The following ACTN2 variants were observed in gnomAD, a reference collection of about 807,000 sequenced individuals.
ACTN2 encodes alpha-actinin-2.
In ACTN2, 39 loss-of-function variants were observed where a neutral mutation model predicts 113.8. The observed-to-expected ratio is 0.34, with a 90% confidence interval of 0.27 to 0.45. ACTN2 has a LOEUF of 0.45. Among genes scored for constraint, ACTN2 ranks in the 20% least tolerant of loss-of-function variants. ACTN2 has a pLI of 1.00. For synonymous variants in ACTN2, 429 were observed against 444.1 expected (o/e 0.97, Z 0.43); for missense variants, 992 against 1,177.9 (o/e 0.84, Z 2.31).
chr1:236,713,433 G>C lies in ACTN2; in HGVS notation c.127-4425G>C, dbSNP rs980965597. Among the ~76,000 whole-genome samples, 17 of 152,032 alleles carry C rather than the reference G, an allele frequency of 1.1e-4. 1 individual carries two copies. The highest frequency in any genetic ancestry group is 2.1e-4 in the Non-Finnish European group (14 of 68,018). On this transcript the variant is annotated intron_variant, in intron 1 of 20. Coordinates refer to ENST00000366578, the MANE Select transcript of ACTN2 (RefSeq NM_001103.4). ...GTAGAGACAGGGTTTCTCCGTGTTG[G>C]TCAGGCTGGTCTTGCACTCCTGATC...
rs1317260585 is a variant in ACTN2, at chr1:236,689,353, A to G, written c.126+2554A>G. On this transcript the variant is annotated intron_variant, in intron 1 of 20. Transcript: ENST00000366578. ...TATATATATATACACACACATATGT[A>G]TATTTTATATATATATATAAAATAT... Among the ~76,000 whole-genome samples the G allele has an allele frequency of 2.8e-5, 4 of 143,338 alleles. No individual in the cohort carries two copies. The East Asian group carries it at 8.0e-4, about 29-fold the overall frequency. 94.0% of individuals were successfully genotyped at this position (143,338 alleles called of 152,430 possible). A position where few individuals can be genotyped will look rare whatever the true frequency, so the allele number is the denominator to read the frequency against.
Position 236,751,481 on chromosome 1 carries a change from T to C in ACTN2, c.1668T>C (p.Thr556=). Residue 556 remains threonine, a synonymous_variant, in exon 15 of 21, where the codon ACT becomes ACC. Coordinates refer to ENST00000366578, the MANE Select transcript of ACTN2 (RefSeq NM_001103.4). ...HSIEEIQSLI[T]AHEQFKATLP... Reference sequence around the variant, plus strand: ...TGTCTCGGGTGTAGAGTCTGATCACTGCGCATGAGCAGTTCAAGGCCACGC... The same window carrying C: ...TGTCTCGGGTGTAGAGTCTGATCACCGCGCATGAGCAGTTCAAGGCCACGC... 1.2e-6 allele frequency: 2 copies of C among 1,614,106 alleles called. No homozygotes were observed. Among genetic ancestry groups the C allele is most frequent in the Non-Finnish European group, 1.7e-6 (2 of 1,180,028 alleles).
intron 7 of ACTN2, chr1:236,734,404 A>G: frequency 6.8e-7 from 1 of 1,480,670 alleles, no homozygotes; most frequent in Non-Finnish European, 9.1e-7. Context: ...TAGAACATCC[A>G]CGCGGTTAAC....
intron 1 of ACTN2, among the ~76,000 whole-genome samples, chr1:236,701,480 T>A (rs1657673660): frequency 6.6e-6 from 1 of 152,192 alleles, no homozygotes; most frequent in African/African-American, 2.4e-5. Flanking sequence ...GCCCTGTGAC[T>A]GGAGGGCTGT....
intron 15 of ACTN2, among the ~76,000 whole-genome samples, chr1:236,753,729 C>G (rs1344039643): frequency 6.6e-6 from 1 of 152,046 alleles, no homozygotes; most frequent in African/African-American, 2.4e-5. Context: ...CACTTGGTGG[C>G]ACTAGATGGC....
chr1:236,689,182 G>T (rs2102854588), intron 1 of ACTN2, among the ~76,000 whole-genome samples: 1 of 152,068 alleles, frequency 6.6e-6, no homozygotes, highest in Admixed American at 6.6e-5. Context: ...GTTAGGAAGA[G>T]TGTGTTACAC....
intron 4 of ACTN2, 91 bp from the exon 5 acceptor site, chr1:236,725,842 C>T (rs1345269270): frequency 2.6e-6 from 3 of 1,152,274 alleles, no homozygotes; most frequent in Non-Finnish European, 3.9e-6. Context: ...GGGTGATCGA[C>T]CCCCTGGGAG....
chr1:236,749,799 TCAACAA>T (rs542797120), intron 14 of ACTN2, among the ~76,000 whole-genome samples: 1 of 151,854 alleles, frequency 6.6e-6, no homozygotes. Context: ...AGACCCTGTC[TCAACAA>T]CAACAACAAC....
intron 20 of ACTN2, among the ~76,000 whole-genome samples, 183 bp downstream of exon 20, chr1:236,761,356 G>A (rs1274229643): frequency 6.6e-6 from 1 of 152,212 alleles, no homozygotes; most frequent in East Asian, 1.9e-4. Flanking sequence ...AGAGGAAACA[G>A]ACATGCCATT....
chr1:236,747,833 A>T, intron 13 of ACTN2, 58 bp downstream of exon 13: 1 of 1,277,190 alleles, frequency 7.8e-7, no homozygotes, highest in East Asian at 2.4e-5. Flanking sequence ...TCTTTAATTA[A>T]ATCACTGGTA....
intron 1 of ACTN2, among the ~76,000 whole-genome samples, chr1:236,695,070 G>A (rs746015363): frequency 1.5e-4 from 23 of 150,774 alleles, no homozygotes; most frequent in African/African-American, 4.4e-4. Flanking sequence ...TAAGCTTTTC[G>A]TTAAAAAATG....
chr1:236,703,700 A>T lies in ACTN2; in HGVS notation c.127-14158A>T, dbSNP rs116444613. Reference sequence around the variant, plus strand: ...TAATAATTAAAATCTTCCTTCAAGAATTTTAAAACGCCCTTGGAATTAATG... The same window carrying T: ...TAATAATTAAAATCTTCCTTCAAGATTTTTAAAACGCCCTTGGAATTAATG... On this transcript the variant is annotated intron_variant, in intron 1 of 20. Coordinates refer to ENST00000366578, the MANE Select transcript of ACTN2 (RefSeq NM_001103.4). Among the ~76,000 whole-genome samples, 457 of 151,542 alleles carry T rather than the reference A, an allele frequency of 3.0e-3. 2 individuals are homozygous for T. Among genetic ancestry groups the T allele is most frequent in the African/African-American group, 0.01 (433 of 41,304 alleles).
intron 4 of ACTN2, 131 bp from the exon 5 acceptor site, chr1:236,725,802 A>C: frequency 1.2e-6 from 1 of 808,710 alleles, no homozygotes; most frequent in Non-Finnish European, 2.2e-6. Flanking sequence ...GCTCCTATGC[A>C]CTTGCCGAGG....
In ACTN2 at chr1:236,735,707, C is replaced by T. The variant is rs759652494; in HGVS notation, c.770C>T (p.Ala257Val). The part of the protein sequence containing the change: ...TYVSCFYHAF[A>V]GAEQAETAAN... ...GTCTCTTGCTTCTACCACGCTTTTG[C>T]GGGCGCGGAGCAGGTACTCAACACT... is the stretch of plus-strand genomic sequence containing the variant. The change falls in exon 8 of 21, where the codon GCG becomes GTG. Residue 257 changes from alanine (A) to valine (V), a missense_variant. This residue lies in a region of ACTN2 where 220 missense variants were observed against 337.5 expected (regional missense o/e 0.65). Transcript: ENST00000366578. The T allele has an allele frequency of 2.5e-6, 4 of 1,614,128 alleles. No individual in the cohort carries two copies. Among genetic ancestry groups the T allele is most frequent in the Non-Finnish European group, 2.5e-6 (3 of 1,180,016 alleles).
At chr1:236,741,329 C>T (rs1011529233) in intron 10 of ACTN2, among the ~76,000 whole-genome samples, 1 of 152,200 alleles carries the variant, frequency 6.6e-6, no homozygotes, top group Non-Finnish European at 1.5e-5. Context: ...CATGAGCGAG[C>T]ATGCCTGGGC....
At chr1:236,746,706 C>CAA (rs59603231) in intron 12 of ACTN2, among the ~76,000 whole-genome samples, 3 of 119,732 alleles carry the variant, frequency 2.5e-5, no homozygotes, top group African/African-American at 6.2e-5. Flanking sequence ...GACCCTGTCT[C>CAA]AAAAAAAAAA....
chr1:236,754,703 G>A lies in ACTN2; in HGVS notation c.1975-316G>A, dbSNP rs1659501571. On this transcript the variant is annotated intron_variant, in intron 16 of 20. Transcript: ENST00000366578. This position sits in a 1 kb window ranked among gnomAD's most constrained non-coding sequence, Gnocchi z 4.9. ...CCACCCCCAGCCTCCTCCAGAGCAG[G>A]GTAGCTCTGCCCGAGGGCGTTTCCT... 6.6e-6 allele frequency among the ~76,000 whole-genome samples: 1 copy of A among 152,178 alleles called. No homozygotes were observed. Among genetic ancestry groups the A allele is most frequent in the Non-Finnish European group, 1.5e-5 (1 of 68,020 alleles).
At chr1:236,688,635 G>T (rs1665958952) in intron 1 of ACTN2, among the ~76,000 whole-genome samples, 1 of 152,148 alleles carries the variant, frequency 6.6e-6, no homozygotes, top group African/African-American at 2.4e-5. Context: ...AAAGTTTAAG[G>T]TGAGAATTTT....
At chr1:236,706,254 T>TA (rs984919048) in intron 1 of ACTN2, among the ~76,000 whole-genome samples, 12 of 152,102 alleles carry the variant, frequency 7.9e-5, no homozygotes, top group East Asian at 3.9e-4. Context: ...TTCTTTTTAT[T>TA]AAAAAAAATG....
Sources: allele counts gnomAD v4.1 joint callset (sites outside exome capture counted in the v4.1 genomes callset), GRCh38; gene constraint gnomAD v4.1.1; regional missense constraint gnomAD v4.1.1; non-coding constraint Gnocchi (gnomAD v3.1); transcripts MANE v1.5; gene names NCBI Gene and HGNC (gene_info 2026-07-23, HGNC 2026-07-21).